The following TUSC3 variants were observed in gnomAD, a reference collection of about 807,000 sequenced individuals.
The protein encoded by TUSC3 is dolichyl-diphosphooligosaccharide--protein glycosyltransferase subunit TUSC3.
Under a neutral mutation model 44.8 loss-of-function variants are expected in TUSC3, and 45 were observed. The observed-to-expected ratio is 1.00, with a 90% CI of 0.79 to 1.29. The LOEUF is 1.29. Among genes scored for constraint, TUSC3 ranks in the 50% most tolerant of loss-of-function variants. TUSC3 has a pLI of 0.00. For synonymous variants in TUSC3, 212 were observed against 152.9 expected (o/e 1.39, Z -2.85); for missense variants, 519 against 437.9 (o/e 1.19, Z -1.65).
the TUSC3 span, among the ~76,000 whole-genome samples, chr8:15,791,470 A>T: frequency 6.6e-6 from 1 of 152,156 alleles, no homozygotes; most frequent in East Asian, 1.9e-4. Context: ...TTTACATTGC[A>T]TTGTAAACTG....
In TUSC3 at chr8:15,513,678, T is replaced by C. The variant is rs948705179; in HGVS notation, n.189+30195T>C. On this transcript the variant is annotated intron_variant and non_coding_transcript_variant, in intron 2 of 5. Coordinates refer to the TUSC3 transcript ENST00000503191. ...TTAGATAAATGAGTTACAGTCGTTT[T>C]GGGTAAAGTCTGGTGTGTTACCTGG... Among the ~76,000 whole-genome samples, 9 of 152,292 alleles carry C rather than the reference T, an allele frequency of 5.9e-5. No individual in the cohort carries two copies. In the South Asian group the frequency reaches 1.0e-3, roughly 18 times the overall value.
chr8:15,694,909 G>A (rs564263012), intron 6 of TUSC3, among the ~76,000 whole-genome samples: 1 of 152,340 alleles, frequency 6.6e-6, no homozygotes, highest in East Asian at 1.9e-4. Flanking sequence ...TACGCCAGCA[G>A]CAGCAGCAGT....
chr8:15,485,464 C>CTTTTTTTTTTTT lies in TUSC3; in HGVS notation n.189+1992_189+1993insTTTTTTTTTTTT, dbSNP rs11372919. On this transcript the variant is annotated intron_variant and non_coding_transcript_variant, in intron 2 of 5. Coordinates refer to the TUSC3 transcript ENST00000503191. ...AAGCAATGTCATTATACTCTGTTGTCTTTTTTTTTTTGTTTTTTGTGACAC... is the reference window on the plus strand; with the variant it reads ...AAGCAATGTCATTATACTCTGTTGTCTTTTTTTTTTTTTTTTTTTTTTTGTTTTTTGTGACAC... 4.4e-5 allele frequency among the ~76,000 whole-genome samples: 6 copies of CTTTTTTTTTTTT among 135,238 alleles called. 1 individual carries two copies. Among genetic ancestry groups the CTTTTTTTTTTTT allele is most frequent in the African/African-American group, 8.3e-5 (3 of 35,956 alleles). The allele number at this position is 135,238 out of a possible 152,430, so 88.7% of individuals were successfully genotyped here.
At chr8:15,754,457 ATTC>A (rs1811838050) in intron 9 of TUSC3, among the ~76,000 whole-genome samples, 1 of 152,134 alleles carries the variant, frequency 6.6e-6, no homozygotes, top group African/African-American at 2.4e-5. Flanking sequence ...ACAGACACAC[ATTC>A]TTCTTCACAG....
At position 15,435,763 on chromosome 8, in the gene TUSC3, C is replaced by G. The variant is rs979995199; in HGVS notation, n.91+18458C>G. Among the ~76,000 whole-genome samples, 4 of 152,158 alleles carry G rather than the reference C, an allele frequency of 2.6e-5. No individual in the cohort carries two copies. The East Asian group carries it at 7.7e-4, about 29-fold the overall frequency. ...AAGGAATTTAACTTGGCCTACATTG[C>G]TCTTGGAATCTGGATAGGCATAGCG... On this transcript the variant is annotated intron_variant and non_coding_transcript_variant, in intron 1 of 5. Transcript: ENST00000503191.
At chr8:15,771,654 T>G in the TUSC3 span, among the ~76,000 whole-genome samples, 2 of 151,198 alleles carry the variant, frequency 1.3e-5, no homozygotes, top group Non-Finnish European at 1.5e-5. Flanking sequence ...AAACAACCAG[T>G]GGATCACAGA....
chr8:15,654,605 T>C (rs1585197444), intron 3 of TUSC3, among the ~76,000 whole-genome samples: 1 of 152,234 alleles, frequency 6.6e-6, no homozygotes, highest in Admixed American at 6.5e-5. Flanking sequence ...GTTAAAGCCC[T>C]GCAAACGTGG....
chr8:15,755,705 G>C (rs1811899920), intron 9 of TUSC3, among the ~76,000 whole-genome samples: 2 of 151,520 alleles, frequency 1.3e-5, no homozygotes, highest in Admixed American at 1.3e-4. Flanking sequence ...GGAGCCTAAA[G>C]GCCATTACTA....
At chr8:15,625,338 G>T (rs1415318751) in intron 2 of TUSC3, among the ~76,000 whole-genome samples, 9 of 152,066 alleles carry the variant, frequency 5.9e-5, no homozygotes, top group Non-Finnish European at 1.3e-4. Flanking sequence ...TTTGGTATCA[G>T]GGTAATATTG....
chr8:15,709,848 T>C (rs1809770202), intron 6 of TUSC3, among the ~76,000 whole-genome samples: 1 of 151,904 alleles, frequency 6.6e-6, no homozygotes. Flanking sequence ...TAATATAGCA[T>C]ACTGGCTCAC....
intron 1 of TUSC3, among the ~76,000 whole-genome samples, chr8:15,610,334 A>G (rs1433865901): frequency 3.3e-5 from 5 of 152,294 alleles, no homozygotes; most frequent in South Asian, 4.1e-4. Flanking sequence ...AACATCTAAC[A>G]TTAGAATTCT....
At chr8:15,642,406 A>T (rs977191777) in intron 2 of TUSC3, among the ~76,000 whole-genome samples, 2 of 152,232 alleles carry the variant, frequency 1.3e-5, no homozygotes, top group African/African-American at 4.8e-5. Context: ...ATAAATATGA[A>T]TAAATATACG....
chr8:15,744,807 T>A (rs75192540), intron 8 of TUSC3, among the ~76,000 whole-genome samples: 1 of 152,154 alleles, frequency 6.6e-6, no homozygotes. Context: ...ACTATTTTTT[T>A]AATAATTTAT....
At chr8:15,755,679 C>T (rs1247363439) in intron 9 of TUSC3, among the ~76,000 whole-genome samples, 1 of 151,042 alleles carries the variant, frequency 6.6e-6, no homozygotes, top group East Asian at 1.9e-4. Flanking sequence ...AACACCCAAG[C>T]AACTACTTTG....
chr8:15,479,020 C>G (rs1272123182), intron 1 of TUSC3, among the ~76,000 whole-genome samples: 1 of 152,160 alleles, frequency 6.6e-6, no homozygotes, highest in African/African-American at 2.4e-5. Context: ...ATTTGCATTT[C>G]TCTAATAATT....
upstream of TUSC3, among the ~76,000 whole-genome samples, chr8:15,538,671 AC>A (rs1801569997): frequency 1.3e-5 from 2 of 152,092 alleles, no homozygotes; most frequent in Non-Finnish European, 2.9e-5. Context: ...ATGTCTATTA[AC>A]CTCACAACAG....
At chr8:15,604,478 C>T (rs1365757426) in intron 1 of TUSC3, among the ~76,000 whole-genome samples, 1 of 151,520 alleles carries the variant, frequency 6.6e-6, no homozygotes, top group Admixed American at 6.6e-5. Flanking sequence ...TCCCCAAATT[C>T]TCAAAATAGT....
chr8:15,610,395 C>T (rs1012781659), intron 1 of TUSC3, among the ~76,000 whole-genome samples: 8 of 152,072 alleles, frequency 5.3e-5, no homozygotes, highest in Non-Finnish European at 1.2e-4. Context: ...AGAAACATTT[C>T]TGGTATTTTC....
intron 1 of TUSC3, among the ~76,000 whole-genome samples, chr8:15,547,429 T>C (rs1265581646): frequency 6.6e-6 from 1 of 151,690 alleles, no homozygotes; most frequent in Non-Finnish European, 1.5e-5. Flanking sequence ...GAAATCTTTT[T>C]GCTATTCATA....
Sources: gnomAD v4.1 joint callset for allele counts (sites outside exome capture counted in the v4.1 genomes callset) on GRCh38, gnomAD v4.1.1 for gene constraint, MANE v1.5 for transcripts, NCBI Gene and HGNC (gene_info 2026-07-23, HGNC 2026-07-21) for gene names.